UGGT2: variants seen among roughly 807,000 people sequenced by gnomAD.
The protein encoded by UGGT2 is UDP-glucose:glycoprotein glucosyltransferase 2.
UGGT2 carries 180 observed loss-of-function variants against 192.1 expected under a neutral mutation model. The ratio of observed to expected loss-of-function variants is 0.94; its 90% CI spans 0.83 to 1.06. The LOEUF (loss-of-function observed/expected upper bound fraction) is 1.06, where lower values mean the gene tolerates loss of function less well. Among genes scored for constraint, UGGT2 ranks in the 50% least tolerant of loss-of-function variants. UGGT2 has a pLI of 0.00. For synonymous variants in UGGT2, 580 were observed against 591.0 expected, an observed-to-expected ratio of 0.98 and a Z score of 0.27; for missense variants, 1,849 against 1,795.7, an observed-to-expected ratio of 1.03 and a Z score of -0.54.
At chr13:95,871,974 C>A (rs34345778) in intron 29 of UGGT2, among the ~76,000 whole-genome samples, 128,642 of 151,808 alleles carry the variant, frequency 0.85, 54,715 homozygotes, top group East Asian at 0.93. Context: ...CTTCCTCCTA[C>A]AAAAACATGG....
intron 32 of UGGT2, among the ~76,000 whole-genome samples, chr13:95,860,392 A>C (rs1890046266): frequency 6.7e-6 from 1 of 149,326 alleles, no homozygotes; most frequent in Non-Finnish European, 1.5e-5. Context: ...TACCTATCCA[A>C]AATGTCTATT....
chr13:95,942,143 T>C (rs567463722), intron 15 of UGGT2, among the ~76,000 whole-genome samples: 2 of 151,986 alleles, frequency 1.3e-5, no homozygotes, highest in East Asian at 3.9e-4. Flanking sequence ...ATTTTTATCA[T>C]AGTTTGTTGC....
intron 10 of UGGT2, among the ~76,000 whole-genome samples, chr13:95,983,278 T>C (rs945280298): frequency 6.6e-6 from 1 of 152,190 alleles, no homozygotes; most frequent in Admixed American, 6.5e-5. Flanking sequence ...GAGTCTGGTA[T>C]GATACTACTT....
rs1182730603 is a variant in UGGT2 at position 95,887,099 on chromosome 13, ATAG to A, written c.3038+790_3038+792del. Among the ~76,000 whole-genome samples, 15 of 152,328 alleles carry A rather than the reference ATAG, an allele frequency of 9.8e-5. No individual in the cohort carries two copies. In the East Asian group the frequency reaches 2.7e-3, roughly 27 times the overall value. On this transcript the variant is annotated intron_variant, in intron 26 of 38. Coordinates refer to ENST00000376747, the MANE Select transcript of UGGT2 (RefSeq NM_020121.4). ...AAAAGTTCTGCTCAAGGCAACATCTATAGTATGTCAGTTGTAACAAATACAATT... is the reference window on the plus strand; with the variant it reads ...AAAAGTTCTGCTCAAGGCAACATCTATATGTCAGTTGTAACAAATACAATT...
chr13:95,946,432 G>A (rs897757264), intron 15 of UGGT2, among the ~76,000 whole-genome samples: 1 of 152,142 alleles, frequency 6.6e-6, no homozygotes, highest in African/African-American at 2.4e-5. Flanking sequence ...GCAGTGGCTC[G>A]ATCTTGGCTC....
intron 29 of UGGT2, 42 bp downstream of exon 29, chr13:95,877,237 G>T (rs369163149): frequency 1.4e-6 from 2 of 1,434,124 alleles, no homozygotes; most frequent in East Asian, 4.7e-5. Flanking sequence ...CACTAAAAAC[G>T]TATTTATGTG....
intron 38 of UGGT2, among the ~76,000 whole-genome samples, chr13:95,808,565 C>A (rs1290728629): frequency 6.6e-6 from 1 of 151,844 alleles, no homozygotes; most frequent in African/African-American, 2.4e-5. Flanking sequence ...TCAATTTGTA[C>A]ACAATTCTTC....
chr13:95,829,848 C>G (rs1886469084), intron 38 of UGGT2, among the ~76,000 whole-genome samples: 1 of 152,184 alleles, frequency 6.6e-6, no homozygotes, highest in African/African-American at 2.4e-5. Flanking sequence ...ATGAACAAAG[C>G]TGGAGGCATC....
intron 4 of UGGT2, among the ~76,000 whole-genome samples, chr13:96,014,054 A>T (rs1285089367): frequency 6.6e-6 from 1 of 152,164 alleles, no homozygotes; most frequent in Admixed American, 6.5e-5. Context: ...GAAAAATTAG[A>T]CAGCTACCAT....
chr13:96,012,256 T>C (rs1234604826), intron 5 of UGGT2, among the ~76,000 whole-genome samples: 1 of 152,038 alleles, frequency 6.6e-6, no homozygotes, highest in East Asian at 1.9e-4. Context: ...AACAGAATTA[T>C]ATCTCTACCC....
At chr13:95,996,609 T>G (rs1242305176) in intron 6 of UGGT2, among the ~76,000 whole-genome samples, 1 of 152,176 alleles carries the variant, frequency 6.6e-6, no homozygotes, top group Admixed American at 6.5e-5. Context: ...AGGCTAACAT[T>G]CCTAAGTGTG....
intron 4 of UGGT2, among the ~76,000 whole-genome samples, chr13:96,020,285 G>A (rs1183082948): frequency 6.6e-6 from 1 of 152,116 alleles, no homozygotes; most frequent in Non-Finnish European, 1.5e-5. Flanking sequence ...AAAAAGGGGT[G>A]TACTAAGTGG....
chr13:95,921,853 T>TA (rs930002488), intron 20 of UGGT2, among the ~76,000 whole-genome samples: 5 of 152,226 alleles, frequency 3.3e-5, no homozygotes, highest in Admixed American at 1.3e-4. Flanking sequence ...TCAGCCACTG[T>TA]AAAAAGCAGT....
At chr13:95,826,567 A>G (rs1276660246) in intron 38 of UGGT2, among the ~76,000 whole-genome samples, 1 of 152,124 alleles carries the variant, frequency 6.6e-6, no homozygotes, top group Non-Finnish European at 1.5e-5. Context: ...TTTATGTACA[A>G]GCAACCACCA....
intron 36 of UGGT2, among the ~76,000 whole-genome samples, chr13:95,842,049 A>G (rs1259004568): frequency 6.6e-6 from 1 of 152,242 alleles, no homozygotes; most frequent in East Asian, 1.9e-4. Context: ...CAATATGTGT[A>G]ACCTTATGCC....
intron 20 of UGGT2, 142 bp downstream of exon 20, chr13:95,925,538 C>T (rs1302644035): frequency 1.8e-6 from 1 of 570,904 alleles, no homozygotes; most frequent in Non-Finnish European, 2.8e-6. Flanking sequence ...ACCTGTTTTA[C>T]ATGAAGACTA....
chr13:95,986,149 T>G (rs1291025375), intron 9 of UGGT2, among the ~76,000 whole-genome samples, 184 bp downstream of exon 9: 1 of 149,000 alleles, frequency 6.7e-6, no homozygotes, highest in African/African-American at 2.5e-5. Context: ...CACACATGTA[T>G]GCACAAGCCA....
At chr13:95,992,496 T>C (rs1566803612) in intron 7 of UGGT2, among the ~76,000 whole-genome samples, 2 of 152,178 alleles carry the variant, frequency 1.3e-5, no homozygotes. Context: ...GCTTGAACAT[T>C]ATTGGCTTTT....
chr13:96,001,119 A>T (rs530380330), intron 5 of UGGT2, among the ~76,000 whole-genome samples: 1 of 152,294 alleles, frequency 6.6e-6, no homozygotes, highest in Admixed American at 6.5e-5. Flanking sequence ...CCCAAACCCA[A>T]GCCAAGCCAT....
Sources: gnomAD v4.1 joint callset for allele counts (sites outside exome capture counted in the v4.1 genomes callset) on GRCh38, gnomAD v4.1.1 for gene constraint, MANE v1.5 for transcripts, NCBI Gene and HGNC (gene_info 2026-07-23, HGNC 2026-07-21) for gene names.